MDGA2: variants seen among roughly 807,000 people sequenced by gnomAD.
The protein encoded by MDGA2 is MAM domain containing glycosylphosphatidylinositol anchor 2.
A neutral mutation model predicts 117.8 loss-of-function variants in MDGA2; 40 were observed. That is an observed-to-expected ratio of 0.34 (90% CI 0.26 to 0.44). The LOEUF is 0.44. Among genes scored for constraint, MDGA2 ranks in the 20% least tolerant of loss-of-function variants. The probability of loss-of-function intolerance (pLI) is 1.00; values close to 1 mark genes in which losing one functional copy is unlikely to be tolerated. For missense variants in MDGA2, 1,123 were observed against 1,250.6 expected (o/e 0.90, Z 1.54); for synonymous variants, 452 against 439.0 (o/e 1.03, Z -0.37).
At chr14:47,620,926 G>A (rs1897038500) in intron 1 of MDGA2, among the ~76,000 whole-genome samples, 1 of 152,134 alleles carries the variant, frequency 6.6e-6, no homozygotes, top group South Asian at 2.1e-4. Context: ...GTCACCTGAA[G>A]TCCAATTACG....
intron 1 of MDGA2, among the ~76,000 whole-genome samples, chr14:47,642,683 T>C (rs1406691561): frequency 6.6e-6 from 1 of 152,004 alleles, no homozygotes; most frequent in Non-Finnish European, 1.5e-5. Flanking sequence ...CATCTATCCA[T>C]CTCTAGATGA....
chr14:47,082,230 T>C (rs140592375), intron 6 of MDGA2, among the ~76,000 whole-genome samples: 19 of 150,592 alleles, frequency 1.3e-4, no homozygotes, highest in South Asian at 6.3e-4. Context: ...AACACTCCCA[T>C]AGAGAAAAAA....
At chr14:47,209,006 G>C (rs999317400) in intron 3 of MDGA2, among the ~76,000 whole-genome samples, 5 of 149,104 alleles carry the variant, frequency 3.4e-5, no homozygotes, top group African/African-American at 1.2e-4. Context: ...TTTTATAAGA[G>C]TAACAACCTA....
At chr14:47,107,281 C>A (rs1466344206) in intron 5 of MDGA2, among the ~76,000 whole-genome samples, 1 of 152,014 alleles carries the variant, frequency 6.6e-6, no homozygotes, top group Non-Finnish European at 1.5e-5. Flanking sequence ...CCCCATTTTA[C>A]CTGTCCTAAA....
intron 2 of MDGA2, among the ~76,000 whole-genome samples, chr14:47,278,459 G>A (rs1336151719): frequency 6.6e-6 from 1 of 151,920 alleles, no homozygotes. Context: ...TGTTTTCAGC[G>A]AGACCAGCTT....
chr14:47,577,070 G>C (rs1896129318), intron 1 of MDGA2, among the ~76,000 whole-genome samples: 2 of 152,112 alleles, frequency 1.3e-5, no homozygotes, highest in South Asian at 4.1e-4. Context: ...CTTAAAGAAA[G>C]ATGGTAAAGT....
intron 1 of MDGA2, chr14:47,343,249 GA>G: frequency 1.7e-6 from 2 of 1,145,070 alleles, no homozygotes; most frequent in Non-Finnish European, 2.2e-6. Context: ...AACGATTATC[GA>G]ATTCCGGGCA....
rs559576396 is a variant in MDGA2, at chr14:47,117,612, A to G, written c.925+14102T>C. ...TCTGCAATATGTGACAAAATAGATG[A>G]GCCTTCAGAACATTATGCTAAGTGA... On this transcript the variant is annotated intron_variant, in intron 5 of 16. Transcript: ENST00000399232. 2.6e-5 allele frequency among the ~76,000 whole-genome samples: 4 copies of G among 152,290 alleles called. No homozygotes were observed. In the South Asian group the frequency reaches 6.2e-4, roughly 24 times the overall value.
chr14:47,097,691 G>A (rs1880057723), intron 5 of MDGA2, among the ~76,000 whole-genome samples: 1 of 151,942 alleles, frequency 6.6e-6, no homozygotes, highest in African/African-American at 2.4e-5. Flanking sequence ...TTCTAATGCA[G>A]TGTCCATACT....
At chr14:47,144,337 G>T in intron 3 of MDGA2, 63 bp from the exon 4 acceptor site, 1 of 1,334,524 alleles carries the variant, frequency 7.5e-7, no homozygotes, top group Non-Finnish European at 1.0e-6. Context: ...AAAGTATTGT[G>T]CTTATATAAC....
At chr14:47,322,382 T>C (rs2139879447) in intron 1 of MDGA2, among the ~76,000 whole-genome samples, 1 of 152,352 alleles carries the variant, frequency 6.6e-6, no homozygotes, top group South Asian at 2.1e-4. Flanking sequence ...TGGGAAGTAA[T>C]TTTGTGCTAT....
intron 2 of MDGA2, among the ~76,000 whole-genome samples, chr14:47,240,064 T>G (rs1296854737): frequency 6.6e-6 from 1 of 151,712 alleles, no homozygotes; most frequent in South Asian, 2.1e-4. Context: ...TGTTTTTTTT[T>G]GAGACAGTCT....
chr14:47,545,732 T>C lies in MDGA2; in HGVS notation c.280+128785A>G, dbSNP rs1385430911. On this transcript the variant is annotated intron_variant, in intron 1 of 16. Coordinates refer to ENST00000399232, the MANE Select transcript of MDGA2 (RefSeq NM_001113498.3). ...TGCTTGGATTCTAACATCAAGTATT[T>C]AATAATGATAATAAGAAAAAAAAAC... 1.2e-4 allele frequency among the ~76,000 whole-genome samples: 18 copies of C among 152,118 alleles called. 1 individual carries two copies. The highest frequency in any genetic ancestry group is 2.1e-4 in the Non-Finnish European group (14 of 67,986).
chr14:47,029,974 C>T (rs1219317368), intron 8 of MDGA2, among the ~76,000 whole-genome samples: 3 of 151,708 alleles, frequency 2.0e-5, no homozygotes, highest in Middle Eastern at 3.2e-3. Flanking sequence ...ACTACAGGTG[C>T]ACACCACCAC....
At chr14:46,941,504 C>A (rs1474050711) in intron 9 of MDGA2, among the ~76,000 whole-genome samples, 2 of 152,098 alleles carry the variant, frequency 1.3e-5, no homozygotes, top group Non-Finnish European at 1.5e-5. Flanking sequence ...TGTTCTCATC[C>A]ATTAATCATT....
At chr14:46,916,171 C>T (rs958283244) in intron 10 of MDGA2, among the ~76,000 whole-genome samples, 3 of 152,058 alleles carry the variant, frequency 2.0e-5, no homozygotes, top group African/African-American at 4.8e-5. Context: ...TGGTAACATC[C>T]GCCACATAGA....
At chr14:46,843,646 T>A (rs2138264300) in intron 16 of MDGA2, among the ~76,000 whole-genome samples, 1 of 152,248 alleles carries the variant, frequency 6.6e-6, no homozygotes, top group East Asian at 1.9e-4. Flanking sequence ...CTCATTGTTA[T>A]ATAAAAATCT....
intron 1 of MDGA2, among the ~76,000 whole-genome samples, chr14:47,506,417 G>C (rs942540605): frequency 6.6e-6 from 1 of 152,176 alleles, no homozygotes. Context: ...GTACACAAAT[G>C]CAAGTGTCGT....
chr14:47,099,715 A>T (rs1252549160), intron 5 of MDGA2, among the ~76,000 whole-genome samples: 2 of 152,014 alleles, frequency 1.3e-5, no homozygotes, highest in Non-Finnish European at 2.9e-5. Flanking sequence ...CTGCCATTTA[A>T]TACCTGTGTG....
Sources: gnomAD v4.1 joint callset for allele counts (sites outside exome capture counted in the v4.1 genomes callset) on GRCh38, gnomAD v4.1.1 for gene constraint, MANE v1.5 for transcripts, NCBI Gene and HGNC (gene_info 2026-07-23, HGNC 2026-07-21) for gene names.